GABRG3: variants seen among roughly 807,000 people sequenced by gnomAD.
GABRG3 encodes the protein gamma-aminobutyric acid receptor subunit gamma-3.
Under a neutral mutation model 48.8 loss-of-function variants are expected in GABRG3, and 25 were observed. That is an observed-to-expected ratio of 0.51 (90% CI 0.37 to 0.72). GABRG3 has a LOEUF of 0.72. Among genes scored for constraint, GABRG3 ranks in the 30% least tolerant of loss-of-function variants. GABRG3 has a pLI of 0.00. For missense variants in GABRG3, 394 were observed against 577.9 expected (o/e 0.68, Z 3.26); for synonymous variants, 227 against 217.6 (o/e 1.04, Z -0.38).
chr15:27,000,741 G>A (rs902915730), intron 2 of GABRG3, among the ~76,000 whole-genome samples: 1 of 152,162 alleles, frequency 6.6e-6, no homozygotes, highest in East Asian at 1.9e-4. Flanking sequence ...AAGCTGAGCA[G>A]ATGCCAGCAC....
intron 4 of GABRG3, among the ~76,000 whole-genome samples, chr15:27,328,412 C>T (rs572732457): frequency 6.6e-6 from 1 of 152,318 alleles, no homozygotes; most frequent in South Asian, 2.1e-4. Context: ...AAATCCCCCC[C>T]GATGCGTGCA....
intron 3 of GABRG3, among the ~76,000 whole-genome samples, chr15:27,258,620 C>T (rs1448257225): frequency 1.3e-5 from 2 of 152,152 alleles, no homozygotes; most frequent in Non-Finnish European, 2.9e-5. Flanking sequence ...TTCTAGTTGA[C>T]ATGTAATTAC....
chr15:27,514,729 C>G (rs924025647), intron 6 of GABRG3, among the ~76,000 whole-genome samples: 2 of 152,176 alleles, frequency 1.3e-5, no homozygotes, highest in Non-Finnish European at 2.9e-5. Flanking sequence ...GGTGTGTCTG[C>G]CACAGTTATG....
In GABRG3 at chr15:26,980,960, A is replaced by C. The variant is rs1394399821; in HGVS notation, c.202+3810A>C. ...GGGAGGAGGGAAAGGATCAGCAAAT[A>C]TAACTAATGGATACTAGGCTAATTA... On this transcript the variant is annotated intron_variant, in intron 2 of 9. Coordinates refer to ENST00000615808, the MANE Select transcript of GABRG3 (RefSeq NM_033223.5). Among the ~76,000 whole-genome samples, 5 of 152,310 alleles carry C rather than the reference A, an allele frequency of 3.3e-5. No individual in the cohort carries two copies. The East Asian group carries it at 9.7e-4, about 29-fold the overall frequency.
At chr15:27,482,843 G>A (rs993273823) in intron 6 of GABRG3, among the ~76,000 whole-genome samples, 24 of 152,238 alleles carry the variant, frequency 1.6e-4, no homozygotes, top group African/African-American at 4.8e-4. Context: ...GTGCATTGCC[G>A]AGTCCAGGCC....
chr15:27,266,791 G>A (rs978619833), intron 3 of GABRG3, among the ~76,000 whole-genome samples: 7 of 104,104 alleles, frequency 6.7e-5, no homozygotes, highest in Admixed American at 9.1e-5. Flanking sequence ...TGATGGTATT[G>A]TAAATGGTAT....
At chr15:27,088,105 TTGTGTGTGTGTG>T (rs59358081) in intron 3 of GABRG3, among the ~76,000 whole-genome samples, 3 of 147,300 alleles carry the variant, frequency 2.0e-5, no homozygotes, top group Admixed American at 6.7e-5. Context: ...TGTGCCGTGG[TTGTGTGTGTGTG>T]TGTGTGTGTG....
chr15:27,217,805 C>T (rs1021524402), intron 3 of GABRG3, among the ~76,000 whole-genome samples: 5 of 152,186 alleles, frequency 3.3e-5, no homozygotes, highest in African/African-American at 2.4e-5. Flanking sequence ...GGCAAGGTCA[C>T]GTGTGGGCAC....
intron 2 of GABRG3, among the ~76,000 whole-genome samples, chr15:26,993,210 T>A (rs1895278911): frequency 6.6e-6 from 1 of 152,108 alleles, no homozygotes; most frequent in African/African-American, 2.4e-5. Context: ...TTCTTTTATA[T>A]CTGCTCTGAT....
At chr15:27,111,288 T>C (rs61182449) in intron 3 of GABRG3, among the ~76,000 whole-genome samples, 6,608 of 152,316 alleles carry the variant, frequency 0.043, 220 homozygotes, top group African/African-American at 0.086. Context: ...CTCTTGCATG[T>C]CCTCTGCTTT....
intron 5 of GABRG3, among the ~76,000 whole-genome samples, chr15:27,470,376 G>A (rs1377886826): frequency 2.0e-5 from 3 of 151,278 alleles, no homozygotes; most frequent in South Asian, 2.1e-4. Flanking sequence ...GGTGCACGCC[G>A]CCATGCCCAG....
At chr15:27,473,361 A>G (rs2150841416) in intron 5 of GABRG3, among the ~76,000 whole-genome samples, 1 of 152,198 alleles carries the variant, frequency 6.6e-6, no homozygotes, top group East Asian at 1.9e-4. Flanking sequence ...TGTCATTGAG[A>G]ATTAGAACTA....
rs373954577 is a variant in GABRG3, at chr15:27,026,901, G to A, written c.270+80G>A. 36 of 950,108 alleles carry A rather than the reference G, an allele frequency of 3.8e-5. No homozygotes were observed. In the African/African-American group the frequency reaches 4.8e-4, roughly 13 times the overall value. 58.9% of individuals were successfully genotyped at this position (950,108 alleles called of 1,614,324 possible). ...ATTCTCATTGTGGATTTCTGTTTGA[G>A]ATTTATCATGCCGGTTTAAAACTCA... On this transcript the variant is annotated intron_variant, in intron 3 of 9. Transcript: ENST00000615808.
chr15:27,008,899 G>T (rs990180376), intron 2 of GABRG3, among the ~76,000 whole-genome samples: 6 of 152,118 alleles, frequency 3.9e-5, no homozygotes, highest in African/African-American at 1.4e-4. Flanking sequence ...TGAGTCAGAA[G>T]AAAATCCAGC....
At chr15:27,387,715 T>C (rs1895968087) in intron 5 of GABRG3, among the ~76,000 whole-genome samples, 1 of 145,758 alleles carries the variant, frequency 6.9e-6, no homozygotes, top group South Asian at 2.2e-4. Context: ...TGTCCCCCAG[T>C]CTCCACAGAC....
chr15:27,018,245 C>A (rs1283625498), intron 2 of GABRG3, among the ~76,000 whole-genome samples: 1 of 152,146 alleles, frequency 6.6e-6, no homozygotes, highest in East Asian at 1.9e-4. Flanking sequence ...TTGGCAGATG[C>A]CTTCCTCAAT....
At chr15:27,050,948 T>C (rs1272932423) in intron 3 of GABRG3, among the ~76,000 whole-genome samples, 1 of 152,208 alleles carries the variant, frequency 6.6e-6, no homozygotes, top group Non-Finnish European at 1.5e-5. Flanking sequence ...GAGGAAGAGA[T>C]TTATCCATTT....
intron 3 of GABRG3, among the ~76,000 whole-genome samples, chr15:27,243,533 G>A (rs886899032): frequency 4.6e-5 from 7 of 152,058 alleles, no homozygotes; most frequent in African/African-American, 1.7e-4. Context: ...GGCTTCCTGG[G>A]GTTGTTCTTA....
intron 5 of GABRG3, among the ~76,000 whole-genome samples, chr15:27,356,057 T>C (rs528383258): frequency 7.4e-4 from 113 of 152,150 alleles, no homozygotes; most frequent in Non-Finnish European, 1.5e-3. Context: ...CCCACCAAAT[T>C]GTCTACTTTT....
Sources: allele counts gnomAD v4.1 joint callset (sites outside exome capture counted in the v4.1 genomes callset), GRCh38; gene constraint gnomAD v4.1.1; transcripts MANE v1.5; gene names NCBI Gene and HGNC (gene_info 2026-07-23, HGNC 2026-07-21).